The following EPG5 variants were observed in gnomAD, a reference collection of about 807,000 sequenced individuals.
EPG5 encodes ectopic P-granules 5 autophagy tethering factor, also known as ectopic P granules protein 5 homolog.
Under a neutral mutation model 302.7 loss-of-function variants are expected in EPG5, and 159 were observed. The ratio of observed to expected loss-of-function variants is 0.53; its 90% CI spans 0.46 to 0.60. EPG5 has a LOEUF of 0.60. Among genes scored for constraint, EPG5 ranks in the 20% least tolerant of loss-of-function variants. The pLI is 0.00. For missense variants in EPG5, 2,896 were observed against 3,092.4 expected (o/e 0.94, Z 1.51); for synonymous variants, 1,158 against 1,136.8 (o/e 1.02, Z -0.37).
At chr18:45,868,027 G>A (rs1480022184) in intron 36 of EPG5, 4 of 507,218 alleles carry the variant, frequency 7.9e-6, no homozygotes, top group Middle Eastern at 2.9e-4. Context: ...CAACCTGGGT[G>A]GAGAATCGCT....
At chr18:45,831,743 C>CTG in the EPG5 span, among the ~76,000 whole-genome samples, 1 of 146,756 alleles carries the variant, frequency 6.8e-6, no homozygotes, top group Non-Finnish European at 1.5e-5. Flanking sequence ...GTACCAACAT[C>CTG]TTTTTTTTTT....
At chr18:45,909,308 T>C (rs955115960) in intron 23 of EPG5, among the ~76,000 whole-genome samples, 7 of 152,176 alleles carry the variant, frequency 4.6e-5, no homozygotes, top group African/African-American at 1.7e-4. Flanking sequence ...GAAAGGAATA[T>C]CAAAGACTCT....
chr18:45,865,350 C>T (rs1226673474), intron 39 of EPG5, among the ~76,000 whole-genome samples: 1 of 152,134 alleles, frequency 6.6e-6, no homozygotes, highest in Non-Finnish European at 1.5e-5. Flanking sequence ...CTAGAAATGC[C>T]GCTCACTGAA....
chr18:45,816,742 T>C, the EPG5 span, among the ~76,000 whole-genome samples: 2 of 152,202 alleles, frequency 1.3e-5, no homozygotes, highest in Non-Finnish European at 2.9e-5. Flanking sequence ...GAACAACCAA[T>C]TGAGCTAGCA....
chr18:45,887,022 T>C (rs940076729), intron 29 of EPG5, among the ~76,000 whole-genome samples: 1 of 152,194 alleles, frequency 6.6e-6, no homozygotes, highest in Non-Finnish European at 1.5e-5. Context: ...ATGATACCTG[T>C]TCAGCATTAC....
At chr18:45,910,350 G>C (rs1298201744) in intron 23 of EPG5, among the ~76,000 whole-genome samples, 171 bp downstream of exon 23, 3 of 152,122 alleles carry the variant, frequency 2.0e-5, no homozygotes. Context: ...TTCTCTTGAG[G>C]AACATAAAAG....
chr18:45,837,952 C>G, the EPG5 span: 6 of 1,425,668 alleles, frequency 4.2e-6, no homozygotes, highest in Admixed American at 2.9e-5. Context: ...CCGCCTGCCC[C>G]GCCCCAAGGG....
Position 45,866,909 on chromosome 18 carries a change from G to A in EPG5, c.6510C>T (p.Ser2170=). 1 of 1,613,978 alleles carries A rather than the reference G, an allele frequency of 6.2e-7. No homozygotes were observed. The highest frequency in any genetic ancestry group is 1.7e-5 in the Admixed American group (1 of 60,016). The stretch of plus-strand genomic sequence containing the variant: ...CCAGGATGATGGACGGCGGGTAATG[G>A]CTGCTGAAATAACTTAGCACACTCT... The part of the protein sequence containing the change: ...SYQSVLSYFS[S]HYPPSIILAK... The change falls in exon 38 of 44, where the codon AGC becomes AGT. Residue 2170 remains serine (S), a synonymous_variant. Transcript: ENST00000282041.
chr18:45,936,420 C>T (rs559429996), intron 10 of EPG5, among the ~76,000 whole-genome samples: 2 of 151,826 alleles, frequency 1.3e-5, no homozygotes, highest in Non-Finnish European at 2.9e-5. Flanking sequence ...GGTGGCCATG[C>T]CCCAAGTCAG....
At position 45,860,341 on chromosome 18, in the gene EPG5, C is replaced by G. The variant is rs750845189; in HGVS notation, c.6772G>C (p.Asp2258His). The change falls in exon 40 of 44, where the codon GAC (aspartate) becomes CAC (histidine). Residue 2258 changes from aspartate to histidine, a missense_variant. Physicochemically the swap from Asp to His is moderately conservative, Grantham distance 81. Coordinates refer to ENST00000282041, the MANE Select transcript of EPG5 (RefSeq NM_020964.3). The stretch of plus-strand genomic sequence containing the variant: ...AGGGCCATGTGGCGGGTCTGGCTGT[C>G]CATGTCTGAAAGGAATATAGACACA... ...DIIVFNPPDM[D>H]SQTRHMALSS... The G allele has an allele frequency of 2.5e-6, 4 of 1,614,162 alleles. No individual in the cohort carries two copies. Among genetic ancestry groups the G allele is most frequent in the Middle Eastern group, 1.7e-4 (1 of 6,060 alleles).
intron 23 of EPG5, among the ~76,000 whole-genome samples, chr18:45,909,669 T>C (rs907335430): frequency 1.3e-5 from 2 of 152,226 alleles, no homozygotes; most frequent in African/African-American, 4.8e-5. Context: ...GCAAATATTG[T>C]ACCCTGATTT....
intron 26 of EPG5, among the ~76,000 whole-genome samples, chr18:45,900,530 C>T (rs1029410217): frequency 2.0e-4 from 30 of 152,050 alleles, no homozygotes; most frequent in South Asian, 4.1e-4. Context: ...TAGATCAAAA[C>T]CTTAAATGGT....
Position 45,848,417 on chromosome 18 carries a change from G to A in EPG5, c.*4050C>T, listed in dbSNP as rs559608039. 1 of 152,260 alleles carries A rather than the reference G, an allele frequency of 6.6e-6. No individual in the cohort carries two copies. Among genetic ancestry groups the A allele is most frequent in the African/African-American group, 2.4e-5 (1 of 41,464 alleles). 9.4% of individuals were successfully genotyped at this position (152,260 alleles called of 1,614,324 possible). A position where few individuals can be genotyped will look rare whatever the true frequency, so the allele number is the denominator to read the frequency against. ...CTTGGGCAACAACTGATATTAAGCT[G>A]AGGTCTGCAGTCTCAACTTGCCACT... On this transcript the variant is annotated 3_prime_UTR_variant, in exon 44 of 44. Transcript: ENST00000282041.
the EPG5 span, among the ~76,000 whole-genome samples, chr18:45,815,024 G>A: frequency 1.3e-5 from 2 of 152,112 alleles, no homozygotes; most frequent in South Asian, 4.1e-4. Flanking sequence ...GTGCTCTCAG[G>A]AGAGCCCTCT....
At chr18:45,908,259 C>T (rs963374287) in intron 23 of EPG5, among the ~76,000 whole-genome samples, 178 bp from the exon 24 acceptor site, 14 of 151,934 alleles carry the variant, frequency 9.2e-5, no homozygotes, top group South Asian at 2.1e-4. Flanking sequence ...AGGGGAGGCA[C>T]GTCACAGATT....
chr18:45,940,835 G>A (rs1193634898), intron 9 of EPG5, among the ~76,000 whole-genome samples: 1 of 152,206 alleles, frequency 6.6e-6, no homozygotes, highest in Non-Finnish European at 1.5e-5. Context: ...GTGGCACCAG[G>A]TGTTTTGGCC....
rs1002649752 is a variant in EPG5, at chr18:45,849,577, T to C, written c.*2890A>G. On this transcript the variant is annotated 3_prime_UTR_variant, in exon 44 of 44. Coordinates refer to ENST00000282041, the MANE Select transcript of EPG5 (RefSeq NM_020964.3). ...ATGAACACTCTTGGCTTGTATGACA[T>C]GTACACACTGATTTTGATGATGAAC... 3 of 152,268 alleles carry C rather than the reference T, an allele frequency of 2.0e-5. No individual in the cohort carries two copies. The highest frequency in any genetic ancestry group is 1.3e-4 in the Admixed American group (2 of 15,284). The allele number at this position is 152,268 out of a possible 1,614,324, so 9.4% of individuals were successfully genotyped here.
chr18:45,934,814 A>G lies in EPG5; in HGVS notation c.2252T>C (p.Leu751Pro), dbSNP rs560673236. The change falls in exon 11 of 44, where the codon CTC (leucine) becomes CCC (proline). Residue 751 changes from leucine to proline, a missense_variant. Physicochemically the swap from Leu to Pro is moderately conservative, Grantham distance 98. This residue lies in a region of EPG5 where 1,390 missense variants were observed against 1,430.0 expected (regional missense o/e 0.97). Coordinates refer to ENST00000282041, the MANE Select transcript of EPG5 (RefSeq NM_020964.3). ...ACTGCTCGGCGGGGCTGTACCTTGGAGCTGCTGCTTGCACTGGGCGGGCTG... is the reference window on the plus strand; with the variant it reads ...ACTGCTCGGCGGGGCTGTACCTTGGGGCTGCTGCTTGCACTGGGCGGGCTG... ...SLQPAQCKQQ[L>P]QDPEHFTNFE... 6.2e-7 allele frequency: 1 copy of G among 1,612,380 alleles called. No individual in the cohort carries two copies. Among genetic ancestry groups the G allele is most frequent in the Admixed American group, 1.7e-5 (1 of 59,488 alleles).
intron 7 of EPG5, among the ~76,000 whole-genome samples, chr18:45,945,163 C>T (rs2050758981): frequency 6.6e-6 from 1 of 152,180 alleles, no homozygotes; most frequent in African/African-American, 2.4e-5. Flanking sequence ...TTCCTTAAGC[C>T]ACTCAATTTT....
Sources: allele counts gnomAD v4.1 joint callset (sites outside exome capture counted in the v4.1 genomes callset), GRCh38; gene constraint gnomAD v4.1.1; regional missense constraint gnomAD v4.1.1; transcripts MANE v1.5; gene names NCBI Gene and HGNC (gene_info 2026-07-23, HGNC 2026-07-21).